ZMYM1: variants seen among roughly 807,000 people sequenced by gnomAD.
ZMYM1 encodes the protein zinc finger MYM-type containing 1.
A neutral mutation model predicts 60.0 loss-of-function variants in ZMYM1; 39 were observed. That is an observed-to-expected ratio of 0.65 (90% CI 0.50 to 0.85). ZMYM1 has a LOEUF of 0.85. ZMYM1 is among the 40% of genes least tolerant of loss of function. The pLI is 0.00. For missense variants in ZMYM1, 1,171 were observed against 1,309.5 expected, an observed-to-expected ratio of 0.89 and a Z score of 1.63; for synonymous variants, 413 against 454.0, an observed-to-expected ratio of 0.91 and a Z score of 1.15.
intron 1 of ZMYM1, among the ~76,000 whole-genome samples, chr1:35,082,640 A>C (rs998483673): frequency 1.3e-5 from 2 of 151,270 alleles, no homozygotes; most frequent in South Asian, 2.1e-4. Flanking sequence ...CTGCTTTCCA[A>C]CTTTTATGCT....
At chr1:35,061,782 A>G (rs1288873759) in intron 1 of ZMYM1, among the ~76,000 whole-genome samples, 1 of 150,892 alleles carries the variant, frequency 6.6e-6, no homozygotes, top group Non-Finnish European at 1.5e-5. Flanking sequence ...TGTCAAAAAA[A>G]GAAAAAAAGA....
chr1:35,086,075 C>T (rs544378647), intron 1 of ZMYM1, among the ~76,000 whole-genome samples: 27 of 152,172 alleles, frequency 1.8e-4, no homozygotes, highest in South Asian at 4.2e-4. Context: ...TTATGTATTA[C>T]GTTTAAACAT....
chr1:35,117,707 G>A (rs185620607), downstream of ZMYM1, among the ~76,000 whole-genome samples: 57 of 152,140 alleles, frequency 3.7e-4, no homozygotes, highest in East Asian at 7.0e-3. Flanking sequence ...TTGGGAGGCC[G>A]AGGCGGGCAG....
upstream of ZMYM1, among the ~76,000 whole-genome samples, chr1:35,076,327 A>C (rs559175668): frequency 6.6e-6 from 1 of 152,206 alleles, no homozygotes; most frequent in Non-Finnish European, 1.5e-5. Flanking sequence ...CAGTAAAAAA[A>C]GGTTCAATTT....
At position 35,087,720 on chromosome 1, in the gene ZMYM1, G is replaced by A. The variant is rs149830618; in HGVS notation, c.-74-6194G>A. ...TGGGATTACAGGCGTGAGCCACCAC[G>A]CCTGGCCTCGAAACTTGCAGTTTCT... On this transcript the variant is annotated intron_variant, in intron 1 of 9. Transcript: ENST00000359858. Among the ~76,000 whole-genome samples, 423 of 151,918 alleles carry A rather than the reference G, an allele frequency of 2.8e-3. 1 individual carries two copies. Among genetic ancestry groups the A allele is most frequent in the African/African-American group, 9.7e-3 (402 of 41,484 alleles).
intron 9 of ZMYM1, 71 bp downstream of exon 9, chr1:35,112,201 A>T: frequency 6.7e-7 from 1 of 1,494,424 alleles, no homozygotes; most frequent in Non-Finnish European, 9.3e-7. Context: ...TTGTTGAGAC[A>T]GAGTCTCGCT....
At chr1:35,096,596 C>G (rs1203560355) in intron 3 of ZMYM1, among the ~76,000 whole-genome samples, 1 of 151,336 alleles carries the variant, frequency 6.6e-6, no homozygotes, top group African/African-American at 2.4e-5. Context: ...TGCAATGGCA[C>G]GATCTTGGCT....
downstream of ZMYM1, among the ~76,000 whole-genome samples, chr1:35,116,204 C>T (rs1205914810): frequency 6.6e-6 from 1 of 152,074 alleles, no homozygotes; most frequent in African/African-American, 2.4e-5. Flanking sequence ...CACTATGCTC[C>T]AGAGTCTAGG....
At chr1:35,067,860 A>G (rs1641998937) in intron 1 of ZMYM1, among the ~76,000 whole-genome samples, 1 of 151,530 alleles carries the variant, frequency 6.6e-6, no homozygotes, top group East Asian at 2.0e-4. Flanking sequence ...AGGCGACAAG[A>G]GCAAAGTTCT....
At chr1:35,118,403 T>C (rs1638541545), downstream of ZMYM1, among the ~76,000 whole-genome samples, 1 of 152,146 alleles carries the variant, frequency 6.6e-6, no homozygotes, top group African/African-American at 2.4e-5. Flanking sequence ...TCTAGCTGTT[T>C]TTAGTTGTAG....
chr1:35,069,360 G>A (rs181094225), intron 1 of ZMYM1, among the ~76,000 whole-genome samples: 4 of 151,988 alleles, frequency 2.6e-5, no homozygotes, highest in South Asian at 2.1e-4. Context: ...GTATTTTTTC[G>A]TGTACCTGTT....
downstream of ZMYM1, among the ~76,000 whole-genome samples, chr1:35,116,287 T>G (rs2148582072): frequency 6.6e-6 from 1 of 152,272 alleles, no homozygotes; most frequent in South Asian, 2.1e-4. Context: ...GTTTGAGCCA[T>G]TTGTATTTCC....
intron 1 of ZMYM1, among the ~76,000 whole-genome samples, chr1:35,061,358 G>A (rs866466834): frequency 4.3e-4 from 65 of 152,040 alleles, no homozygotes; most frequent in Non-Finnish European, 1.8e-4. Context: ...GAATATTAGG[G>A]GATTTTGTTT....
chr1:35,075,983 C>G (rs1169984675), upstream of ZMYM1, among the ~76,000 whole-genome samples: 1 of 152,070 alleles, frequency 6.6e-6, no homozygotes, highest in Non-Finnish European at 1.5e-5. Context: ...TCCAGAACAC[C>G]AAATACAACA....
At position 35,115,286 on chromosome 1, in the gene ZMYM1, A is replaced by C. The variant is rs1366819977; in HGVS notation, c.*27A>C. On this transcript the variant is annotated 3_prime_UTR_variant, in exon 10 of 10. Coordinates refer to ENST00000359858, the MANE Select transcript of ZMYM1 (RefSeq NM_024772.5). ...ACATGCTCATTTGAACTTACCTAAAAGACTTGTATTTCCATTGGGATGTTT... is the reference window on the plus strand; with the variant it reads ...ACATGCTCATTTGAACTTACCTAAACGACTTGTATTTCCATTGGGATGTTT... The C allele has an allele frequency of 5.3e-6, 8 of 1,510,328 alleles. No individual in the cohort carries two copies. The East Asian group carries it at 1.9e-4, about 35-fold the overall frequency. The allele number at this position is 1,510,328 out of a possible 1,614,324, so 93.6% of individuals were successfully genotyped here.
At chr1:35,109,737 T>C (rs746032590) in intron 6 of ZMYM1, among the ~76,000 whole-genome samples, 21 of 151,898 alleles carry the variant, frequency 1.4e-4, no homozygotes, top group Non-Finnish European at 2.4e-4. Context: ...GTGACCACTT[T>C]CTTCATTGCT....
At chr1:35,069,820 C>T (rs145287421) in intron 1 of ZMYM1, among the ~76,000 whole-genome samples, 25 of 152,146 alleles carry the variant, frequency 1.6e-4, no homozygotes, top group African/African-American at 6.0e-4. Context: ...TCCAATTTTC[C>T]CAGCATTGTT....
intron 1 of ZMYM1, among the ~76,000 whole-genome samples, chr1:35,081,948 C>T (rs1487993962): frequency 6.6e-6 from 1 of 152,158 alleles, no homozygotes; most frequent in Non-Finnish European, 1.5e-5. Context: ...CCATCTCTGC[C>T]TCCCAAATTG....
intron 7 of ZMYM1, among the ~76,000 whole-genome samples, 199 bp downstream of exon 7, chr1:35,110,646 G>T (rs913844901): frequency 6.6e-6 from 1 of 151,776 alleles, no homozygotes; most frequent in African/African-American, 2.4e-5. Context: ...TTTAATATTT[G>T]TAGGCCAAGC....
Sources: allele counts gnomAD v4.1 joint callset (sites outside exome capture counted in the v4.1 genomes callset), GRCh38; gene constraint gnomAD v4.1.1; transcripts MANE v1.5; gene names NCBI Gene and HGNC (gene_info 2026-07-23, HGNC 2026-07-21).